The following F13A1 variants were observed in gnomAD, a reference collection of about 807,000 sequenced individuals.
F13A1 encodes the protein FSF, A subunit.
A neutral mutation model predicts 80.1 loss-of-function variants in F13A1; 47 were observed. The observed-to-expected ratio is 0.59, with a 90% CI of 0.46 to 0.75. The LOEUF is 0.75. Ranked by LOEUF, F13A1 falls within the 30% of genes least tolerant of loss-of-function variation. The pLI is 0.00. For synonymous variants in F13A1, 349 were observed against 344.9 expected (o/e 1.01, Z -0.13); for missense variants, 817 against 930.4 (o/e 0.88, Z 1.59).
chr6:6,242,036 T>A (rs1020113519), intron 6 of F13A1, among the ~76,000 whole-genome samples: 13 of 152,136 alleles, frequency 8.5e-5, no homozygotes, highest in Non-Finnish European at 1.9e-4. Flanking sequence ...CATTACTGTC[T>A]TTTTCATGCA....
chr6:6,315,604 T>C (rs1434519233), intron 2 of F13A1, among the ~76,000 whole-genome samples: 1 of 152,138 alleles, frequency 6.6e-6, no homozygotes, highest in Non-Finnish European at 1.5e-5. Context: ...ACTGTATATA[T>C]CACACACAGT....
chr6:6,257,374 A>G (rs1037829826), intron 4 of F13A1, among the ~76,000 whole-genome samples: 6 of 152,136 alleles, frequency 3.9e-5, no homozygotes, highest in Non-Finnish European at 8.8e-5. Context: ...GGAAGGATCC[A>G]AACGCACTGC....
In F13A1 at chr6:6,152,043, A is replaced by G. The variant is rs539962444; in HGVS notation, c.1909-94T>C. ...TCATCACTTTTACTAGAGTTTTATG[A>G]TACAGTTATTTTTTTGGCAATGGAA... On this transcript the variant is annotated intron_variant, in intron 13 of 14. Transcript: ENST00000264870. 271 of 1,503,708 alleles carry G rather than the reference A, an allele frequency of 1.8e-4. 7 individuals carry two copies. The South Asian group carries it at 3.1e-3, about 17-fold the overall frequency. 93.1% of individuals were successfully genotyped at this position (1,503,708 alleles called of 1,614,324 possible). A position where few individuals can be genotyped will look rare whatever the true frequency, so the allele number is the denominator to read the frequency against.
At chr6:6,208,699 A>C (rs1362912661) in intron 8 of F13A1, among the ~76,000 whole-genome samples, 1 of 152,158 alleles carries the variant, frequency 6.6e-6, no homozygotes, top group Non-Finnish European at 1.5e-5. Context: ...AAGAATCTTT[A>C]AGACAACATT....
At chr6:6,185,564 T>C (rs1761066112) in intron 10 of F13A1, among the ~76,000 whole-genome samples, 1 of 152,092 alleles carries the variant, frequency 6.6e-6, no homozygotes, top group Non-Finnish European at 1.5e-5. Flanking sequence ...TCATTTTTTA[T>C]GGCTGCGTAG....
At chr6:6,183,920 G>A (rs940519006) in intron 10 of F13A1, among the ~76,000 whole-genome samples, 1 of 152,192 alleles carries the variant, frequency 6.6e-6, no homozygotes. Flanking sequence ...AGATCTATGT[G>A]AACATGACTT....
intron 2 of F13A1, among the ~76,000 whole-genome samples, chr6:6,312,493 A>C (rs1404948220): frequency 1.6e-5 from 1 of 61,366 alleles, no homozygotes; most frequent in Non-Finnish European, 3.0e-5. Context: ...AATATGGTGA[A>C]ACCCAGTCTC....
intron 4 of F13A1, among the ~76,000 whole-genome samples, chr6:6,257,750 G>A (rs1363584582): frequency 6.6e-6 from 1 of 152,116 alleles, no homozygotes; most frequent in Non-Finnish European, 1.5e-5. Context: ...TTACAAACAT[G>A]CTGCATTACA....
intron 13 of F13A1, among the ~76,000 whole-genome samples, chr6:6,164,462 C>T (rs2151071905): frequency 6.6e-6 from 1 of 151,884 alleles, no homozygotes; most frequent in East Asian, 1.9e-4. Context: ...CATAACAAAC[C>T]TTCATATGTA....
chr6:6,280,372 A>G (rs777174693), intron 3 of F13A1, among the ~76,000 whole-genome samples: 12 of 152,252 alleles, frequency 7.9e-5, no homozygotes, highest in Non-Finnish European at 5.9e-5. Flanking sequence ...GGGGAAGTCA[A>G]CGACTTTATT....
intron 6 of F13A1, among the ~76,000 whole-genome samples, chr6:6,245,358 A>T (rs1757540415): frequency 6.6e-6 from 1 of 151,946 alleles, no homozygotes; most frequent in Non-Finnish European, 1.5e-5. Flanking sequence ...GAGTAACTGG[A>T]ATTACAGGCA....
chr6:6,223,578 C>A (rs2113061248), intron 7 of F13A1, among the ~76,000 whole-genome samples: 1 of 152,118 alleles, frequency 6.6e-6, no homozygotes, highest in Admixed American at 6.6e-5. Flanking sequence ...TCATTGCTCC[C>A]AAGAAATATG....
chr6:6,280,307 T>A (rs923804675), intron 3 of F13A1, among the ~76,000 whole-genome samples: 2 of 152,172 alleles, frequency 1.3e-5, no homozygotes, highest in African/African-American at 4.8e-5. Context: ...GACTGTAATT[T>A]AATTCATAAT....
intron 12 of F13A1, among the ~76,000 whole-genome samples, chr6:6,170,367 TAAAGA>T (rs386696563): frequency 0.032 from 4,875 of 152,292 alleles, 159 homozygotes; most frequent in African/African-American, 0.086. Flanking sequence ...ATCATAGCAC[TAAAGA>T]AACCAGGCTG....
chr6:6,177,231 G>C (rs1186497661), intron 11 of F13A1, among the ~76,000 whole-genome samples: 1 of 152,138 alleles, frequency 6.6e-6, no homozygotes, highest in Non-Finnish European at 1.5e-5. Context: ...TGTAATAAGA[G>C]AGCCCTTTTA....
At chr6:6,211,737 G>A (rs112530388) in intron 8 of F13A1, among the ~76,000 whole-genome samples, 7 of 152,316 alleles carry the variant, frequency 4.6e-5, no homozygotes, top group South Asian at 2.1e-4. Context: ...CACAGAAGAC[G>A]GGTGATTTCT....
intron 1 of F13A1, 35 bp from the exon 2 acceptor site, chr6:6,318,717 A>G: frequency 6.3e-7 from 1 of 1,594,934 alleles, no homozygotes; most frequent in Non-Finnish European, 8.5e-7. Flanking sequence ...ACAACAGAAA[A>G]GGCATGTAAA....
At position 6,244,329 on chromosome 6, in the gene F13A1, C is replaced by T. The variant is rs568185081; in HGVS notation, c.798+3983G>A. 2.0e-5 allele frequency among the ~76,000 whole-genome samples: 3 copies of T among 152,276 alleles called. No homozygotes were observed. In the East Asian group the frequency reaches 5.8e-4, roughly 29 times the overall value. On this transcript the variant is annotated intron_variant, in intron 6 of 14. Coordinates refer to ENST00000264870, the MANE Select transcript of F13A1 (RefSeq NM_000129.4). Reference sequence around the variant, plus strand: ...TTAAAGGGAGAAGTATAACTGTGGGCAAGTTTCTTCATTTTTTCTAATTGC... The same window carrying T: ...TTAAAGGGAGAAGTATAACTGTGGGTAAGTTTCTTCATTTTTTCTAATTGC...
At chr6:6,312,056 TAA>T (rs1249857813) in intron 2 of F13A1, among the ~76,000 whole-genome samples, 3 of 149,160 alleles carry the variant, frequency 2.0e-5, no homozygotes, top group Admixed American at 6.7e-5. Flanking sequence ...TACATATATA[TAA>T]AGTTATACGT....
Sources: allele counts gnomAD v4.1 joint callset (sites outside exome capture counted in the v4.1 genomes callset), GRCh38; gene constraint gnomAD v4.1.1; transcripts MANE v1.5; gene names NCBI Gene and HGNC (gene_info 2026-07-23, HGNC 2026-07-21).